Variants in NBEA observed in about 807,000 individuals in gnomAD.
NBEA encodes the protein lysosomal-trafficking regulator 2.
Under a neutral mutation model 343.4 loss-of-function variants are expected in NBEA, and 44 were observed. The ratio of observed to expected loss-of-function variants is 0.13; its 90% CI spans 0.10 to 0.16. The LOEUF is 0.16. NBEA is among the 10% of genes least tolerant of loss of function. NBEA has a pLI of 1.00. For synonymous variants in NBEA, 1,175 were observed against 1,238.7 expected (o/e 0.95, Z 1.08); for missense variants, 2,555 against 3,631.3 (o/e 0.70, Z 7.62).
At chr13:35,068,927 A>C (rs2063758802) in intron 8 of NBEA, among the ~76,000 whole-genome samples, 1 of 152,164 alleles carries the variant, frequency 6.6e-6, no homozygotes, top group Non-Finnish European at 1.5e-5. Context: ...CATCTGGCCC[A>C]ATTCACTTAT....
At position 35,118,361 on chromosome 13, in the gene NBEA, T is replaced by G; in HGVS notation, c.2146-16T>G. On this transcript the variant is annotated splice_polypyrimidine_tract_variant and intron_variant, in intron 15 of 58. Coordinates refer to ENST00000379939, the MANE Select transcript of NBEA (RefSeq NM_001385012.1). ...TTTAGAGTAAAATTTTAAATCAACA[T>G]TGGTGATTTATGCAGGATGAAAATA... 6.3e-7 allele frequency: 1 copy of G among 1,591,160 alleles called. No homozygotes were observed. Among genetic ancestry groups the G allele is most frequent in the South Asian group, 1.1e-5 (1 of 87,442 alleles).
At chr13:35,222,543 G>T (rs1237788048) in intron 33 of NBEA, among the ~76,000 whole-genome samples, 1 of 151,894 alleles carries the variant, frequency 6.6e-6, no homozygotes, top group African/African-American at 2.4e-5. Flanking sequence ...TATGCCCTCT[G>T]TTGGGTTAAT....
At chr13:34,983,180 C>T (rs546578959) in intron 1 of NBEA, among the ~76,000 whole-genome samples, 1 of 152,204 alleles carries the variant, frequency 6.6e-6, no homozygotes, top group South Asian at 2.1e-4. Flanking sequence ...CTGACCCCCA[C>T]CCCACACCAG....
chr13:35,033,892 T>G (rs1423959918), intron 1 of NBEA, among the ~76,000 whole-genome samples: 1 of 151,724 alleles, frequency 6.6e-6, no homozygotes, highest in African/African-American at 2.4e-5. Context: ...ATTATTCTAA[T>G]AGTTTTCTTG....
chr13:35,413,342 G>T (rs1172796744), intron 38 of NBEA, among the ~76,000 whole-genome samples: 1 of 152,028 alleles, frequency 6.6e-6, no homozygotes, highest in Non-Finnish European at 1.5e-5. Flanking sequence ...GGGAAATTCT[G>T]TTTCTTATGT....
intron 45 of NBEA, among the ~76,000 whole-genome samples, chr13:35,578,418 AG>A (rs1415650542): frequency 6.6e-6 from 1 of 152,190 alleles, no homozygotes. Context: ...CACTTTGGGG[AG>A]GCCAAGGCAG....
At chr13:35,344,275 A>T (rs2152859124) in intron 36 of NBEA, among the ~76,000 whole-genome samples, 1 of 152,270 alleles carries the variant, frequency 6.6e-6, no homozygotes, top group South Asian at 2.1e-4. Flanking sequence ...CATGAAGATA[A>T]ATCTATTTGC....
chr13:35,139,244 G>A (rs111316854), intron 17 of NBEA, among the ~76,000 whole-genome samples: 16,516 of 150,962 alleles, frequency 0.11, 1,098 homozygotes, highest in African/African-American at 0.17. Context: ...TATTTTTAGT[G>A]TAGATGGGGT....
At chr13:35,374,972 T>C (rs1324094850) in intron 38 of NBEA, among the ~76,000 whole-genome samples, 3 of 152,164 alleles carry the variant, frequency 2.0e-5, no homozygotes, top group Admixed American at 6.5e-5. Context: ...CAGAGCATTG[T>C]TCATTTGTAA....
At chr13:35,302,726 G>A (rs2036635158) in intron 35 of NBEA, among the ~76,000 whole-genome samples, 1 of 152,086 alleles carries the variant, frequency 6.6e-6, no homozygotes, top group Non-Finnish European at 1.5e-5. Context: ...TTCAATGTTG[G>A]CTAAACTTCT....
At chr13:35,423,549 G>C (rs1267727265) in intron 38 of NBEA, among the ~76,000 whole-genome samples, 1 of 152,150 alleles carries the variant, frequency 6.6e-6, no homozygotes, top group Non-Finnish European at 1.5e-5. Context: ...TTTGTTTACT[G>C]TAGCCTTGTA....
intron 1 of NBEA, among the ~76,000 whole-genome samples, chr13:34,980,886 A>G (rs1393001433): frequency 6.6e-6 from 1 of 152,108 alleles, no homozygotes; most frequent in African/African-American, 2.4e-5. Flanking sequence ...TTTTATTAGT[A>G]TGATAATAGT....
At chr13:35,185,907 C>G (rs1485658494) in intron 30 of NBEA, 3 of 151,960 alleles carry the variant, frequency 2.0e-5, no homozygotes, top group African/African-American at 7.3e-5. Flanking sequence ...TCAATGCTTC[C>G]AAACGGGGAA....
chr13:35,587,852 C>T (rs893611955), intron 46 of NBEA, among the ~76,000 whole-genome samples: 1 of 152,102 alleles, frequency 6.6e-6, no homozygotes, highest in Non-Finnish European at 1.5e-5. Context: ...GAATATTCTG[C>T]ACATTTATCC....
At chr13:35,008,976 C>T (rs2061402024) in intron 1 of NBEA, among the ~76,000 whole-genome samples, 1 of 152,106 alleles carries the variant, frequency 6.6e-6, no homozygotes, top group Middle Eastern at 3.2e-3. Context: ...GGAAAGTAGC[C>T]TAAAGTCTGG....
intron 38 of NBEA, among the ~76,000 whole-genome samples, chr13:35,399,447 GA>G (rs138558520): frequency 0.042 from 6,406 of 152,004 alleles, 273 homozygotes; most frequent in African/African-American, 0.12. Context: ...AATGAAGGAG[GA>G]ACTTCCAAAC....
intron 36 of NBEA, among the ~76,000 whole-genome samples, chr13:35,323,025 T>G (rs1296981389): frequency 1.3e-5 from 2 of 152,044 alleles, no homozygotes; most frequent in African/African-American, 2.4e-5. Flanking sequence ...GCATTTTGTA[T>G]TTTTTGTAGA....
intron 46 of NBEA, among the ~76,000 whole-genome samples, chr13:35,587,959 A>C (rs1287961491): frequency 6.6e-6 from 1 of 152,020 alleles, no homozygotes. Context: ...TATAAGTAAA[A>C]AAAGAAACAG....
At chr13:35,230,856 A>T (rs1205851285) in intron 33 of NBEA, among the ~76,000 whole-genome samples, 1 of 151,952 alleles carries the variant, frequency 6.6e-6, no homozygotes, top group East Asian at 1.9e-4. Context: ...TTGTACTTCT[A>T]ACAAATGCTT....
Sources: allele counts gnomAD v4.1 joint callset (sites outside exome capture counted in the v4.1 genomes callset), GRCh38; gene constraint gnomAD v4.1.1; transcripts MANE v1.5; gene names NCBI Gene and HGNC (gene_info 2026-07-23, HGNC 2026-07-21).